The following DACT3 variants were observed in gnomAD, a reference collection of about 807,000 sequenced individuals.
DACT3 encodes dapper homolog 3.
DACT3 carries 5 observed loss-of-function variants against 19.6 expected under a neutral mutation model. The observed-to-expected ratio is 0.26, with a 90% CI of 0.13 to 0.54. DACT3 has a LOEUF of 0.54. DACT3 is among the 20% of genes least tolerant of loss of function. The pLI is 0.95. For synonymous variants in DACT3, 454 were observed against 428.1 expected, an observed-to-expected ratio of 1.06 and a Z score of -0.75; for missense variants, 908 against 927.4, an observed-to-expected ratio of 0.98 and a Z score of 0.27.
Position 46,649,386 on chromosome 19 carries a change from TC to T in DACT3, c.985del (p.Glu329SerfsTer27). On this transcript the variant is annotated frameshift_variant, in exon 4 of 4. Transcript: ENST00000391916. LOFTEE classifies it low-confidence loss of function (END_TRUNC). ...ALSRAWASSW[E>X]SEAAPEPAAP... ...AGCGGGCTCGGGTGCCGCCTCCGAC[TC>T]CCACGACGACGCCCAGGCGCGGCTC... 7.8e-7 allele frequency: 1 copy of T among 1,282,340 alleles called. No homozygotes were observed. Among genetic ancestry groups the T allele is most frequent in the Non-Finnish European group, 9.9e-7 (1 of 1,006,336 alleles). The allele number at this position is 1,282,340 out of a possible 1,614,324, so 79.4% of individuals were successfully genotyped here. A position where few individuals can be genotyped will look rare whatever the true frequency, so the allele number is the denominator to read the frequency against.
At chr19:46,653,656 C>G in intron 1 of DACT3, among the ~76,000 whole-genome samples, 1 of 151,984 alleles carries the variant, frequency 6.6e-6, no homozygotes, top group Non-Finnish European at 1.5e-5. Flanking sequence ...CGGGATCAGG[C>G]AATTCACCCA....
rs1426246821 is a variant in DACT3, at chr19:46,660,056, G to A, written c.249+760C>T. Among the ~76,000 whole-genome samples the A allele has an allele frequency of 6.6e-6, 1 of 152,160 alleles. No homozygotes were observed. The highest frequency in any genetic ancestry group is 1.5e-5 in the Non-Finnish European group (1 of 68,000). On this transcript the variant is annotated intron_variant, in intron 1 of 3. Coordinates refer to ENST00000391916, the MANE Select transcript of DACT3 (RefSeq NM_145056.3). This position sits in a 1 kb window ranked among gnomAD's most constrained non-coding sequence, Gnocchi z 4.9. ...GACATAGAAAGGGGAGAGGCATGGG[G>A]CGTCCTCAAGTCATTCCGGAGACCT...
At position 46,661,041 on chromosome 19, in the gene DACT3, C is replaced by T. The variant is rs1403382589; in HGVS notation, c.24G>A (p.Pro8=). The T allele has an allele frequency of 3.0e-5, 45 of 1,513,360 alleles. No individual in the cohort carries two copies. The highest frequency in any genetic ancestry group is 3.0e-5 in the Non-Finnish European group (34 of 1,137,182). 93.7% of individuals were successfully genotyped at this position (1,513,360 alleles called of 1,614,324 possible). Residue 8 remains proline, a synonymous_variant, in exon 1 of 4, where the codon CCG becomes CCA. Coordinates refer to ENST00000391916, the MANE Select transcript of DACT3 (RefSeq NM_145056.3). ...GCAGCCGGCCCCGCTCAGGGCTCAC[C>T]GGGAACGAGAAGGCCCGGATCATGG... is the stretch of plus-strand genomic sequence containing the variant. MIRAFSF[P]VSPERGRLRG...
Position 46,648,871 on chromosome 19 carries a change from C to T in DACT3, c.1501G>A (p.Gly501Ser), listed in dbSNP as rs771489153. The change falls in exon 4 of 4, where the codon GGC (glycine) becomes AGC (serine). Residue 501 changes from glycine (G) to serine (S), a missense_variant. Around this residue, in one of 2 missense-constraint regions of DACT3, gnomAD observed 656 missense variants for 601.8 expected, o/e 1.09. Transcript: ENST00000391916. The surrounding 1 kb of genome is among the most constrained non-coding windows in gnomAD (Gnocchi z 5.1). ...GGAGCTGACGGGGACGGGCCGGGGC[C>T]GGGAACACGCGCCGCAGGGGCTCGG... ...RPRAPAARVP[G>S]PGPSPSAPQR... The T allele has an allele frequency of 5.0e-6, 7 of 1,412,060 alleles. No homozygotes were observed. The highest frequency in any genetic ancestry group is 2.7e-6 in the Non-Finnish European group (3 of 1,094,100). The allele number at this position is 1,412,060 out of a possible 1,614,324, so 87.5% of individuals were successfully genotyped here. A position where few individuals can be genotyped will look rare whatever the true frequency, so the allele number is the denominator to read the frequency against.
chr19:46,659,028 G>C (rs2053053212), intron 1 of DACT3: 2 of 927,770 alleles, frequency 2.2e-6, no homozygotes, highest in Non-Finnish European at 2.6e-6. Flanking sequence ...TGCCTTGAAG[G>C]AAGTGTATTC....
chr19:46,650,502 C>T (rs1280506407), intron 3 of DACT3: 2 of 151,858 alleles, frequency 1.3e-5, no homozygotes, highest in Non-Finnish European at 2.9e-5. Flanking sequence ...ACTGCAGTTT[C>T]CAGCTCCTGG....
At chr19:46,657,581 C>T (rs1334948368) in intron 1 of DACT3, among the ~76,000 whole-genome samples, 2 of 151,392 alleles carry the variant, frequency 1.3e-5, no homozygotes, top group African/African-American at 2.4e-5. Flanking sequence ...TCTCAATCTC[C>T]TGACCTTGTG....
chr19:46,647,590 C>T lies in DACT3; in HGVS notation c.*892G>A, dbSNP rs2052931192. 1 of 152,652 alleles carries T rather than the reference C, an allele frequency of 6.6e-6. No homozygotes were observed. Among genetic ancestry groups the T allele is most frequent in the South Asian group, 2.1e-4 (1 of 4,826 alleles). The allele number at this position is 152,652 out of a possible 1,614,324, so 9.5% of individuals were successfully genotyped here. A position where few individuals can be genotyped will look rare whatever the true frequency, so the allele number is the denominator to read the frequency against. ...AAAAAGAGCATTTCTCCCATTTAATCATTCAGTGAGAGTCCACCACATATG... is the reference window on the plus strand; with the variant it reads ...AAAAAGAGCATTTCTCCCATTTAATTATTCAGTGAGAGTCCACCACATATG... On this transcript the variant is annotated 3_prime_UTR_variant, in exon 4 of 4. Coordinates refer to ENST00000391916, the MANE Select transcript of DACT3 (RefSeq NM_145056.3).
At chr19:46,658,651 C>T (rs986054099) in intron 1 of DACT3, among the ~76,000 whole-genome samples, 21 of 152,104 alleles carry the variant, frequency 1.4e-4, no homozygotes, top group Non-Finnish European at 4.4e-5. Flanking sequence ...TTAGAAAGTC[C>T]TTGGCCTGAG....
At chr19:46,655,349 C>T (rs2053025002) in intron 1 of DACT3, among the ~76,000 whole-genome samples, 2 of 152,162 alleles carry the variant, frequency 1.3e-5, no homozygotes, top group South Asian at 2.1e-4. Context: ...CGGTGGCTCA[C>T]GCCTGTAATC....
At position 46,654,804 on chromosome 19, in the gene DACT3, G is replaced by T. The variant is rs1031567485; in HGVS notation, c.250-1729C>A. On this transcript the variant is annotated intron_variant, in intron 1 of 3. Transcript: ENST00000391916. ...CTATTTAGGGCAGAAAGACTGGCCG[G>T]CTCCCCGGCAGCCACAACCCCCCCG... The T allele has an allele frequency of 3.0e-6, 3 of 985,502 alleles. No homozygotes were observed. In the African/African-American group the frequency reaches 5.2e-5, roughly 17 times the overall value. The allele number at this position is 985,502 out of a possible 1,614,324, so 61.0% of individuals were successfully genotyped here. A position where few individuals can be genotyped will look rare whatever the true frequency, so the allele number is the denominator to read the frequency against.
intron 3 of DACT3, chr19:46,652,389 T>C: frequency 2.1e-6 from 1 of 470,060 alleles, no homozygotes; most frequent in Non-Finnish European, 3.7e-6. Flanking sequence ...TTCACTATGT[T>C]GGCCAGGCTG....
intron 1 of DACT3, chr19:46,654,547 G>T (rs1313373460): frequency 2.0e-6 from 2 of 984,704 alleles, no homozygotes; most frequent in Non-Finnish European, 2.4e-6. Context: ...CCTTCTTGCT[G>T]CAGGAAAAGA....
In DACT3 at chr19:46,649,759, A is replaced by G. The variant is rs1337554663; in HGVS notation, c.613T>C (p.Ser205Pro). 3.9e-6 allele frequency: 5 copies of G among 1,293,636 alleles called. No individual in the cohort carries two copies. The highest frequency in any genetic ancestry group is 4.9e-6 in the Non-Finnish European group (5 of 1,023,174). The allele number at this position is 1,293,636 out of a possible 1,614,324, so 80.1% of individuals were successfully genotyped here. A position where few individuals can be genotyped will look rare whatever the true frequency, so the allele number is the denominator to read the frequency against. Reference sequence around the variant, plus strand: ...CCGGCGCGGGCCCGCCGCTCCGCCGAGGAGCAGGCCTCCGGGCCGGCGGAC... The same window carrying G: ...CCGGCGCGGGCCCGCCGCTCCGCCGGGGAGCAGGCCTCCGGGCCGGCGGAC... ...GGSAGPEACS[S>P]AERRARAGPF... Residue 205 changes from serine to proline, a missense_variant, in exon 4 of 4, where the codon TCG (serine) becomes CCG (proline). This residue lies in a region of DACT3 where 252 missense variants were observed against 325.6 expected (regional missense o/e 0.77). Transcript: ENST00000391916.
intron 2 of DACT3, 57 bp downstream of exon 2, chr19:46,652,922 G>A: frequency 1.3e-6 from 2 of 1,546,272 alleles, no homozygotes; most frequent in Non-Finnish European, 1.7e-6. Context: ...TCAGAAATAG[G>A]GATACGGGGA....
intron 3 of DACT3, 108 bp downstream of exon 3, chr19:46,652,552 A>G: frequency 8.3e-7 from 1 of 1,200,946 alleles, no homozygotes; most frequent in Non-Finnish European, 1.1e-6. Context: ...TGAAAAGGAA[A>G]TGTCACAGCT....
chr19:46,649,515 C>A lies in DACT3; in HGVS notation c.857G>T (p.Arg286Leu). 1 of 1,086,428 alleles carries A rather than the reference C, an allele frequency of 9.2e-7. No individual in the cohort carries two copies. The highest frequency in any genetic ancestry group is 1.1e-6 in the Non-Finnish European group (1 of 897,270). 67.3% of individuals were successfully genotyped at this position (1,086,428 alleles called of 1,614,324 possible). A position where few individuals can be genotyped will look rare whatever the true frequency, so the allele number is the denominator to read the frequency against. The change falls in exon 4 of 4, where the codon CGC becomes CTC. Residue 286 changes from arginine to leucine, a missense_variant. Arg to Leu is a moderately radical substitution (Grantham distance 102). Around this residue, in one of 2 missense-constraint regions of DACT3, gnomAD observed 656 missense variants for 601.8 expected, o/e 1.09. Coordinates refer to ENST00000391916, the MANE Select transcript of DACT3 (RefSeq NM_145056.3). Reference sequence around the variant, plus strand: ...CGGAGACGCGTCGGGCGGCCGCTGGCGCACGCTGTTCTGGCGCCGCGGGCC... The same window carrying A: ...CGGAGACGCGTCGGGCGGCCGCTGGAGCACGCTGTTCTGGCGCCGCGGGCC... Reference protein sequence around the residue: ...DGGPRRQNSVRQRPPDASPSP... With the variant: ...DGGPRRQNSVLQRPPDASPSP...
intron 3 of DACT3, chr19:46,652,361 T>C (rs753777396): frequency 2.3e-6 from 1 of 433,284 alleles, no homozygotes; most frequent in Non-Finnish European, 4.1e-6. Context: ...GCCCAACTAA[T>C]TTTTGTATAG....
chr19:46,661,089 G>A lies in DACT3; in HGVS notation c.-25C>T, dbSNP rs1331409847. On this transcript the variant is annotated 5_prime_UTR_variant, in exon 1 of 4. Transcript: ENST00000391916. ...TGGCTGCGGCCCCCCGCCCCAGCCC[G>A]GCCGGGCCCCGCGGCCACCCCTCTC... The A allele has an allele frequency of 3.6e-6, 5 of 1,397,928 alleles. No individual in the cohort carries two copies. Among genetic ancestry groups the A allele is most frequent in the East Asian group, 3.1e-5 (1 of 32,702 alleles). 86.6% of individuals were successfully genotyped at this position (1,397,928 alleles called of 1,614,324 possible).
Sources: gnomAD v4.1 joint callset for allele counts (sites outside exome capture counted in the v4.1 genomes callset) on GRCh38, gnomAD v4.1.1 for gene constraint, gnomAD v4.1.1 regional missense constraint, Gnocchi (gnomAD v3.1) non-coding constraint, MANE v1.5 for transcripts, NCBI Gene and HGNC (gene_info 2026-07-23, HGNC 2026-07-21) for gene names.